WWOX: variants seen among roughly 807,000 people sequenced by gnomAD.
WWOX encodes WW domain-containing oxidoreductase.
Under a neutral mutation model 46.2 loss-of-function variants are expected in WWOX, and 69 were observed. The observed-to-expected ratio is 1.49, with a 90% CI of 1.23 to 1.82. WWOX has a LOEUF of 1.82. Among genes scored for constraint, WWOX ranks in the 40% most tolerant of loss-of-function variants. WWOX has a pLI of 0.00. For missense variants in WWOX, 919 were observed against 542.6 expected, an observed-to-expected ratio of 1.69 and a Z score of -6.89; for synonymous variants, 359 against 202.6, an observed-to-expected ratio of 1.77 and a Z score of -6.56.
intron 8 of WWOX, among the ~76,000 whole-genome samples, chr16:78,870,133 T>A (rs373719623): frequency 2.0e-5 from 3 of 152,152 alleles, no homozygotes; most frequent in East Asian, 3.9e-4. Context: ...CATGACTCAA[T>A]CCTCAAACAG....
At chr16:78,842,328 T>TA (rs34346754) in intron 8 of WWOX, among the ~76,000 whole-genome samples, 7,716 of 118,216 alleles carry the variant, frequency 0.065, 247 homozygotes, top group Non-Finnish European at 0.08. Context: ...ACCCCATCTC[T>TA]AAAAAAAAAA....
At chr16:79,178,388 C>G (rs4888934) in intron 8 of WWOX, among the ~76,000 whole-genome samples, 80,937 of 151,938 alleles carry the variant, frequency 0.53, 22,279 homozygotes, top group East Asian at 0.88. Context: ...GCGGTCACAG[C>G]TCACTACAGC....
At chr16:78,378,438 C>T (rs1293807412) in intron 5 of WWOX, among the ~76,000 whole-genome samples, 4 of 152,138 alleles carry the variant, frequency 2.6e-5, no homozygotes, top group Admixed American at 2.6e-4. Flanking sequence ...GCAACTGTGT[C>T]CCCATGCATT....
In WWOX at chr16:78,594,130, C is replaced by G. The variant is rs559097807; in HGVS notation, c.1056+161378C>G. 9.2e-5 allele frequency among the ~76,000 whole-genome samples: 14 copies of G among 152,262 alleles called. No individual in the cohort carries two copies. The East Asian group carries it at 2.5e-3, about 27-fold the overall frequency. ...CTCAACTCCTTCTCAACTCCTCCTC[C>G]TGGCTTATTAATGCCCATCCTTTAA... On this transcript the variant is annotated intron_variant, in intron 8 of 8. Transcript: ENST00000566780.
At chr16:78,254,514 T>C (rs1305570481) in intron 5 of WWOX, among the ~76,000 whole-genome samples, 1 of 138,836 alleles carries the variant, frequency 7.2e-6, no homozygotes, top group Admixed American at 7.0e-5. Flanking sequence ...TTTTTTTTTT[T>C]TTTTTGTTTG....
At chr16:79,109,069 G>A (rs2049365369) in intron 8 of WWOX, among the ~76,000 whole-genome samples, 1 of 152,094 alleles carries the variant, frequency 6.6e-6, no homozygotes, top group Non-Finnish European at 1.5e-5. Flanking sequence ...GTGTCCGTGA[G>A]CATGTGTGTG....
intron 8 of WWOX, among the ~76,000 whole-genome samples, chr16:78,821,396 C>G (rs886149193): frequency 2.7e-4 from 41 of 152,280 alleles, no homozygotes; most frequent in Middle Eastern, 3.4e-3. Context: ...CCTTCTTTCC[C>G]CCTGCTCACC....
chr16:78,418,627 C>G (rs1302435853), intron 6 of WWOX, among the ~76,000 whole-genome samples: 1 of 152,154 alleles, frequency 6.6e-6, no homozygotes, highest in East Asian at 1.9e-4. Context: ...GGAATTTATC[C>G]AAACAATTCA....
At chr16:78,721,954 T>G (rs978345444) in intron 8 of WWOX, among the ~76,000 whole-genome samples, 3 of 152,266 alleles carry the variant, frequency 2.0e-5, no homozygotes, top group South Asian at 2.1e-4. Context: ...TGCTACTTTT[T>G]GCCTATTAAG....
chr16:78,150,289 T>C (rs2034355965), intron 4 of WWOX, among the ~76,000 whole-genome samples: 1 of 152,156 alleles, frequency 6.6e-6, no homozygotes, highest in Non-Finnish European at 1.5e-5. Context: ...ATGTGGAGCT[T>C]CCATACCCCC....
chr16:78,971,182 C>T (rs1355995691), intron 8 of WWOX, among the ~76,000 whole-genome samples: 4 of 151,918 alleles, frequency 2.6e-5, no homozygotes, highest in Admixed American at 6.6e-5. Flanking sequence ...TTTTTAGGGC[C>T]GGGCACGGTG....
intron 8 of WWOX, among the ~76,000 whole-genome samples, chr16:78,639,902 A>T (rs2142110680): frequency 6.6e-6 from 1 of 152,128 alleles, no homozygotes; most frequent in Admixed American, 6.5e-5. Flanking sequence ...GAGTAATAGG[A>T]AGATAGAGTG....
chr16:78,195,728 A>C (rs915471464), intron 5 of WWOX, among the ~76,000 whole-genome samples: 1 of 148,640 alleles, frequency 6.7e-6, no homozygotes, highest in East Asian at 2.1e-4. Context: ...AGGCTGAGGC[A>C]GGAGAATTGC....
chr16:78,615,824 C>T (rs1255210461), intron 8 of WWOX, among the ~76,000 whole-genome samples: 1 of 151,558 alleles, frequency 6.6e-6, no homozygotes, highest in South Asian at 2.1e-4. Context: ...AGTCTCCGCT[C>T]ACTGTAAGCT....
At chr16:78,418,355 A>G (rs914932150) in intron 6 of WWOX, among the ~76,000 whole-genome samples, 1 of 151,782 alleles carries the variant, frequency 6.6e-6, no homozygotes, top group South Asian at 2.1e-4. Flanking sequence ...GAGACAGAGT[A>G]AGACTCCATC....
chr16:78,657,662 G>A (rs1176231909), intron 8 of WWOX, among the ~76,000 whole-genome samples: 1 of 152,092 alleles, frequency 6.6e-6, no homozygotes, highest in Non-Finnish European at 1.5e-5. Flanking sequence ...GAATTTCCTT[G>A]GATGTGATGG....
chr16:78,173,885 G>C (rs1597307327), intron 5 of WWOX, among the ~76,000 whole-genome samples: 1 of 152,118 alleles, frequency 6.6e-6, no homozygotes, highest in Non-Finnish European at 1.5e-5. Context: ...AGTTCTTAGT[G>C]AGGTCCCTCT....
intron 8 of WWOX, among the ~76,000 whole-genome samples, chr16:78,795,084 G>A (rs1475742106): frequency 6.6e-6 from 1 of 152,158 alleles, no homozygotes; most frequent in Non-Finnish European, 1.5e-5. Flanking sequence ...AGCATATCCT[G>A]TTTTCGAGGG....
At chr16:79,001,263 A>G (rs1482683981) in intron 8 of WWOX, among the ~76,000 whole-genome samples, 1 of 152,040 alleles carries the variant, frequency 6.6e-6, no homozygotes, top group Non-Finnish European at 1.5e-5. Flanking sequence ...TCCCAAGACA[A>G]AGGCCTCCCC....
Sources: allele counts gnomAD v4.1 joint callset (sites outside exome capture counted in the v4.1 genomes callset), GRCh38; gene constraint gnomAD v4.1.1; transcripts MANE v1.5; gene names NCBI Gene and HGNC (gene_info 2026-07-23, HGNC 2026-07-21).